Variants in MYOM1 observed in about 807,000 individuals in gnomAD.
MYOM1 encodes myomesin-1.
MYOM1 carries 164 observed loss-of-function variants against 205.3 expected under a neutral mutation model. That is an observed-to-expected ratio of 0.80 (90% CI 0.70 to 0.91). The LOEUF (loss-of-function observed/expected upper bound fraction) is 0.91. Ranked by LOEUF, MYOM1 falls within the 40% of genes least tolerant of loss-of-function variation. MYOM1 has a pLI of 0.00. For missense variants in MYOM1, 2,011 were observed against 2,127.3 expected, an observed-to-expected ratio of 0.95 and a Z score of 1.08; for synonymous variants, 772 against 789.4, an observed-to-expected ratio of 0.98 and a Z score of 0.37.
chr18:3,126,443 A>G (rs1404541296), intron 19 of MYOM1, among the ~76,000 whole-genome samples: 1 of 152,118 alleles, frequency 6.6e-6, no homozygotes, highest in Non-Finnish European at 1.5e-5. Flanking sequence ...TTGTACAGTA[A>G]GCGCACATTT....
intron 5 of MYOM1, among the ~76,000 whole-genome samples, chr18:3,181,535 T>G (rs2144117531): frequency 6.6e-6 from 1 of 152,322 alleles, no homozygotes; most frequent in African/African-American, 2.4e-5. Flanking sequence ...GATTAATAAT[T>G]CTAATCTTGA....
Position 3,075,765 on chromosome 18 carries a change from T to A in MYOM1, c.4649-4A>T. ...TCAGCATAGGCCTCATCGTATGCTT[T>A]AAAAGAAAAAAGAAAAGTTAGAATT... On this transcript the variant is annotated splice_region_variant and splice_polypyrimidine_tract_variant and intron_variant, in intron 34 of 37. Transcript: ENST00000356443. 1 of 1,581,578 alleles carries A rather than the reference T, an allele frequency of 6.3e-7. No homozygotes were observed. The highest frequency in any genetic ancestry group is 8.6e-7 in the Non-Finnish European group (1 of 1,162,376).
intron 2 of MYOM1, among the ~76,000 whole-genome samples, chr18:3,205,793 G>A (rs576615492): frequency 1.4e-4 from 22 of 152,088 alleles, no homozygotes; most frequent in Admixed American, 2.6e-4. Context: ...CATATAACAC[G>A]TTATAATACC....
chr18:3,190,501 T>C (rs1202844062), intron 3 of MYOM1: 1 of 152,246 alleles, frequency 6.6e-6, no homozygotes, highest in Middle Eastern at 3.2e-3. Context: ...GTCCACGTTG[T>C]TTCTGACTAA....
chr18:3,218,490 G>A (rs2081296319), intron 1 of MYOM1, among the ~76,000 whole-genome samples: 3 of 152,002 alleles, frequency 2.0e-5, no homozygotes. Flanking sequence ...TTTCCTAAGG[G>A]AAAAAAATAG....
chr18:3,232,614 T>C, the MYOM1 span, among the ~76,000 whole-genome samples: 2 of 152,214 alleles, frequency 1.3e-5, no homozygotes, highest in Non-Finnish European at 2.9e-5. Flanking sequence ...TAGTTTATTG[T>C]GTTCTAATAA....
At chr18:3,141,915 G>A in intron 14 of MYOM1, 24 bp downstream of exon 14, 3 of 1,612,936 alleles carry the variant, frequency 1.9e-6, no homozygotes. Context: ...GTAGTATGAG[G>A]TCATGTTGAT....
chr18:3,238,568 C>T, the MYOM1 span, among the ~76,000 whole-genome samples: 1 of 152,186 alleles, frequency 6.6e-6, no homozygotes, highest in African/African-American at 2.4e-5. Flanking sequence ...AATAGGACAA[C>T]AGCTGAAGCG....
Position 3,126,867 on chromosome 18 carries a change from C to T in MYOM1, c.2825G>A (p.Cys942Tyr), listed in dbSNP as rs774345743. The T allele has an allele frequency of 1.2e-6, 2 of 1,611,932 alleles. No homozygotes were observed. Among genetic ancestry groups the T allele is most frequent in the Non-Finnish European group, 1.7e-6 (2 of 1,178,970 alleles). The change falls in exon 19 of 38, where the codon TGT (cysteine) becomes TAT (tyrosine). Residue 942 changes from cysteine to tyrosine, a missense_variant. Transcript: ENST00000356443. ...APPSPPCDIT[C>Y]LESFRDSMVL... is the part of the protein sequence containing the mutation. ...CATTGAGTCACGAAAACTTTCAAGA[C>T]AGGTGATATCACAGGGTGGAGATGG...
At chr18:3,222,966 C>G (rs529830684), upstream of MYOM1, among the ~76,000 whole-genome samples, 1 of 152,112 alleles carries the variant, frequency 6.6e-6, no homozygotes, top group Non-Finnish European at 1.5e-5. Flanking sequence ...ACTGCAACCT[C>G]GACCTCCTCA....
At chr18:3,068,017 T>C (rs961436700) in intron 37 of MYOM1, among the ~76,000 whole-genome samples, 7 of 152,120 alleles carry the variant, frequency 4.6e-5, no homozygotes, top group African/African-American at 1.4e-4. Context: ...TCAGATAATG[T>C]TACTGATTTT....
intron 13 of MYOM1, among the ~76,000 whole-genome samples, chr18:3,145,842 T>G (rs1257808626): frequency 6.6e-6 from 1 of 152,052 alleles, no homozygotes; most frequent in African/African-American, 2.4e-5. Flanking sequence ...AACCAAAAGC[T>G]GTTTCTTTGG....
At chr18:3,129,636 G>C in intron 17 of MYOM1, 117 bp from the exon 18 acceptor site, 1 of 1,124,716 alleles carries the variant, frequency 8.9e-7, no homozygotes, top group Non-Finnish European at 1.2e-6. Context: ...AAACAGTCTT[G>C]GCTTAAAGAA....
At chr18:3,129,694 T>C (rs2079848223) in intron 17 of MYOM1, 175 bp from the exon 18 acceptor site, 1 of 569,046 alleles carries the variant, frequency 1.8e-6, no homozygotes, top group Non-Finnish European at 2.9e-6. Context: ...TTTCACACAA[T>C]ATACGCCAAG....
chr18:3,244,128 A>G, the MYOM1 span, among the ~76,000 whole-genome samples: 1 of 152,144 alleles, frequency 6.6e-6, no homozygotes, highest in African/African-American at 2.4e-5. Context: ...GATGTTTCGC[A>G]GCGTCCCTGG....
rs1379249000 is a variant in MYOM1, at chr18:3,168,864, G to A, written c.1292C>T (p.Thr431Ile). 5 of 1,613,796 alleles carry A rather than the reference G, an allele frequency of 3.1e-6. No individual in the cohort carries two copies. Among genetic ancestry groups the A allele is most frequent in the Non-Finnish European group, 4.2e-6 (5 of 1,179,884 alleles). Reference protein sequence around the residue: ...TMSLGCRVVITPEIKHFQPEI... With the variant: ...TMSLGCRVVIIPEIKHFQPEI... ...TGGCTGGAAATGTTTAATTTCAGGA[G>A]TGATGACAACACGACAGCCTAGACT... The change falls in exon 9 of 38, where the codon ACT becomes ATT. Residue 431 changes from threonine to isoleucine, a missense_variant. Thr to Ile is a moderately conservative substitution (Grantham distance 89, BLOSUM62 -1). Coordinates refer to ENST00000356443, the MANE Select transcript of MYOM1 (RefSeq NM_003803.4).
chr18:3,107,241 C>T (rs1178523117), intron 22 of MYOM1, among the ~76,000 whole-genome samples: 1 of 152,144 alleles, frequency 6.6e-6, no homozygotes, highest in African/African-American at 2.4e-5. Flanking sequence ...CCTCAGCCTC[C>T]CGAGTGGGTG....
intron 13 of MYOM1, among the ~76,000 whole-genome samples, chr18:3,148,844 CAAAAAAAAAAAAAAAAAAA>C (rs71159049): frequency 4.2e-5 from 2 of 47,946 alleles, no homozygotes; most frequent in South Asian, 2.4e-3. Flanking sequence ...AGACTCCATC[CAAAAAAAAAAAAAAAAAAA>C]AAAAAAAAAG....
At chr18:3,085,359 C>T (rs1003334733) in intron 30 of MYOM1, among the ~76,000 whole-genome samples, 4 of 146,640 alleles carry the variant, frequency 2.7e-5, no homozygotes. Context: ...GGCCTCAAGC[C>T]TTGACCTACC....
Sources: gnomAD v4.1 joint callset for allele counts (sites outside exome capture counted in the v4.1 genomes callset) on GRCh38, gnomAD v4.1.1 for gene constraint, MANE v1.5 for transcripts, NCBI Gene and HGNC (gene_info 2026-07-23, HGNC 2026-07-21) for gene names.